MGAT4C: variants seen among roughly 807,000 people sequenced by gnomAD.
The protein encoded by MGAT4C is alpha-1,3-mannosyl-glycoprotein 4-beta-N-acetylglucosaminyltransferase C.
MGAT4C carries 19 observed loss-of-function variants against 40.1 expected under a neutral mutation model. That is an observed-to-expected ratio of 0.47 (90% CI 0.33 to 0.70). The LOEUF (loss-of-function observed/expected upper bound fraction) is 0.70, where lower values mean the gene tolerates loss of function less well. Among genes scored for constraint, MGAT4C ranks in the 30% least tolerant of loss-of-function variants. MGAT4C has a pLI of 0.02. For synonymous variants in MGAT4C, 181 were observed against 187.1 expected, an observed-to-expected ratio of 0.97 and a Z score of 0.27; for missense variants, 491 against 563.2, an observed-to-expected ratio of 0.87 and a Z score of 1.30.
intron 1 of MGAT4C, among the ~76,000 whole-genome samples, chr12:86,774,066 A>G (rs7979104): frequency 0.96 from 144,648 of 150,262 alleles, 69,644 homozygotes; most frequent in East Asian, 1. Context: ...CAATCCTCTC[A>G]TCTCAGCCTC....
rs925018511 is a variant in MGAT4C, at chr12:86,116,272, G to A, written c.-56-66549C>T. Among the ~76,000 whole-genome samples, 7 of 151,790 alleles carry A rather than the reference G, an allele frequency of 4.6e-5. No individual in the cohort carries two copies. In the East Asian group the frequency reaches 1.2e-3, roughly 25 times the overall value. ...GGCATAATCTGACTTATGCATTAAC[G>A]GGCACTCTGACTTCTCTATGAACAA... On this transcript the variant is annotated intron_variant, in intron 1 of 4. Transcript: ENST00000611864.
At chr12:85,983,745 C>A in intron 3 of MGAT4C, 75 bp from the exon 4 acceptor site, 1 of 1,232,614 alleles carries the variant, frequency 8.1e-7, no homozygotes. Context: ...TTCTTTTTTA[C>A]ACAATAAATG....
At chr12:85,983,329 A>C (rs1018960244) in intron 4 of MGAT4C, among the ~76,000 whole-genome samples, 194 bp downstream of exon 4, 1 of 152,098 alleles carries the variant, frequency 6.6e-6, no homozygotes, top group Non-Finnish European at 1.5e-5. Flanking sequence ...ATTTTATTTA[A>C]TTTTTTTGTT....
intron 2 of MGAT4C, among the ~76,000 whole-genome samples, chr12:86,571,305 TTACTC>T (rs950933940): frequency 4.6e-5 from 7 of 152,150 alleles, no homozygotes; most frequent in African/African-American, 1.7e-4. Context: ...AACAATTAAT[TTACTC>T]TACTGGGCAT....
intron 1 of MGAT4C, among the ~76,000 whole-genome samples, chr12:86,792,309 T>C (rs1385419578): frequency 6.6e-6 from 1 of 152,090 alleles, no homozygotes; most frequent in Non-Finnish European, 1.5e-5. Flanking sequence ...TTGTTTAAAA[T>C]GTTAAATATA....
chr12:86,434,422 G>T (rs529527973), intron 3 of MGAT4C, among the ~76,000 whole-genome samples: 1 of 151,864 alleles, frequency 6.6e-6, no homozygotes, highest in East Asian at 1.9e-4. Flanking sequence ...TTACACATAT[G>T]TACTTATATA....
chr12:86,041,641 C>G (rs1007545659), intron 2 of MGAT4C, among the ~76,000 whole-genome samples: 1 of 152,110 alleles, frequency 6.6e-6, no homozygotes, highest in Non-Finnish European at 1.5e-5. Flanking sequence ...GAGTTATCTT[C>G]TTAGTATTGA....
chr12:86,516,786 C>T (rs1407649629), intron 2 of MGAT4C, among the ~76,000 whole-genome samples: 2 of 152,038 alleles, frequency 1.3e-5, no homozygotes, highest in Non-Finnish European at 2.9e-5. Flanking sequence ...TATGTTCAAC[C>T]TTATTTCTCA....
chr12:86,458,561 G>A (rs1169789905), intron 2 of MGAT4C, among the ~76,000 whole-genome samples: 5 of 152,164 alleles, frequency 3.3e-5, no homozygotes, highest in Admixed American at 3.3e-4. Flanking sequence ...ATGTGTGCTA[G>A]CCACTATATT....
rs1460687224 is a variant in MGAT4C, at chr12:85,962,816, C to G, written c.*16473G>C. On this transcript the variant is annotated 3_prime_UTR_variant, in exon 5 of 5. Coordinates refer to ENST00000611864, the MANE Select transcript of MGAT4C (RefSeq NM_001351288.2). ...TATAAAGACCTTTATTTTTGTTCCA[C>G]TCATTAAATAACATGGTAAGACTGT... 1.2e-4 allele frequency: 18 copies of G among 151,260 alleles called. No homozygotes were observed. The highest frequency in any genetic ancestry group is 1.5e-5 in the Non-Finnish European group (1 of 67,568). 9.4% of individuals were successfully genotyped at this position (151,260 alleles called of 1,614,324 possible). A position where few individuals can be genotyped will look rare whatever the true frequency, so the allele number is the denominator to read the frequency against.
chr12:86,811,366 A>G, intron 1 of MGAT4C, among the ~76,000 whole-genome samples: 1 of 139,574 alleles, frequency 7.2e-6, no homozygotes, highest in African/African-American at 2.7e-5. Flanking sequence ...TTCTTGAGAC[A>G]GAGTCTCACT....
At chr12:86,276,086 C>A (rs1168122839) in intron 4 of MGAT4C, among the ~76,000 whole-genome samples, 1 of 150,240 alleles carries the variant, frequency 6.7e-6, no homozygotes, top group Non-Finnish European at 1.5e-5. Flanking sequence ...CCGCTGCACT[C>A]CAGCCTGGGC....
intron 1 of MGAT4C, among the ~76,000 whole-genome samples, chr12:86,163,243 A>T (rs1885808055): frequency 6.6e-6 from 1 of 151,624 alleles, no homozygotes; most frequent in South Asian, 2.1e-4. Flanking sequence ...TCACTCTGCC[A>T]CCAAGACTGG....
chr12:86,646,053 G>A (rs1963534558), intron 2 of MGAT4C, among the ~76,000 whole-genome samples: 1 of 151,840 alleles, frequency 6.6e-6, no homozygotes, highest in South Asian at 2.1e-4. Flanking sequence ...AAGGAGGAAA[G>A]AAGTATTTCT....
intron 1 of MGAT4C, among the ~76,000 whole-genome samples, chr12:86,075,722 G>T (rs886905890): frequency 6.6e-6 from 1 of 152,184 alleles, no homozygotes; most frequent in Non-Finnish European, 1.5e-5. Flanking sequence ...GCATCTGCAG[G>T]CTCAGCACCA....
At chr12:86,763,463 A>G (rs902405112) in intron 1 of MGAT4C, among the ~76,000 whole-genome samples, 1 of 152,198 alleles carries the variant, frequency 6.6e-6, no homozygotes, top group African/African-American at 2.4e-5. Flanking sequence ...CTGGATTTTA[A>G]TTAGTTTTCT....
intron 2 of MGAT4C, among the ~76,000 whole-genome samples, chr12:86,667,242 A>G (rs1445237599): frequency 6.6e-6 from 1 of 152,194 alleles, no homozygotes; most frequent in Non-Finnish European, 1.5e-5. Flanking sequence ...CACTGTGAAG[A>G]CACAGAAAAG....
In MGAT4C at chr12:86,616,576, A is replaced by T. The variant is rs1317485060; in HGVS notation, c.-229+110633T>A. 3.3e-5 allele frequency among the ~76,000 whole-genome samples: 5 copies of T among 152,146 alleles called. No individual in the cohort carries two copies. The East Asian group carries it at 9.6e-4, about 29-fold the overall frequency. ...TATCATGTCAGTTTTGATATTCTTG[A>T]AATACTGAAAACAATATAAATCTTC... is the stretch of plus-strand genomic sequence containing the variant. On this transcript the variant is annotated intron_variant, in intron 2 of 7. Transcript: ENST00000548651.
intron 1 of MGAT4C, among the ~76,000 whole-genome samples, chr12:86,253,744 G>C (rs868585746): frequency 6.6e-6 from 1 of 151,840 alleles, no homozygotes. Flanking sequence ...ATTTCCCACT[G>C]TCAAGACAAG....
Sources: allele counts gnomAD v4.1 joint callset (sites outside exome capture counted in the v4.1 genomes callset), GRCh38; gene constraint gnomAD v4.1.1; transcripts MANE v1.5; gene names NCBI Gene and HGNC (gene_info 2026-07-23, HGNC 2026-07-21).